Variants in STXBP4 observed in about 807,000 individuals in gnomAD.
STXBP4 encodes syntaxin binding protein 4.
STXBP4 carries 55 observed loss-of-function variants against 76.1 expected under a neutral mutation model. The ratio of observed to expected loss-of-function variants is 0.72; its 90% CI spans 0.58 to 0.91. The LOEUF is 0.91. Among genes scored for constraint, STXBP4 ranks in the 40% least tolerant of loss-of-function variants. The probability of loss-of-function intolerance (pLI) is 0.00; values close to 1 mark genes in which losing one functional copy is unlikely to be tolerated. For missense variants in STXBP4, 618 were observed against 636.9 expected (o/e 0.97, Z 0.32); for synonymous variants, 201 against 220.2 (o/e 0.91, Z 0.77).
chr17:55,143,156 T>G (rs989675282), intron 17 of STXBP4, among the ~76,000 whole-genome samples: 19 of 152,242 alleles, frequency 1.2e-4, no homozygotes, highest in African/African-American at 4.6e-4. Context: ...ATTATATCAT[T>G]TAATGCTCTT....
At chr17:54,989,220 G>A (rs1374480885) in intron 3 of STXBP4, among the ~76,000 whole-genome samples, 1 of 152,144 alleles carries the variant, frequency 6.6e-6, no homozygotes, top group Non-Finnish European at 1.5e-5. Context: ...CCATTCTCCT[G>A]CCTCAGCCTC....
intron 7 of STXBP4, 111 bp from the exon 8 acceptor site, chr17:55,007,395 C>A: frequency 9.2e-6 from 7 of 757,434 alleles, no homozygotes; most frequent in East Asian, 2.7e-5. Context: ...AAGCTGCTAA[C>A]TGATTAGCTA....
intron 15 of STXBP4, among the ~76,000 whole-genome samples, chr17:55,080,232 T>C (rs2144908307): frequency 6.6e-6 from 1 of 152,320 alleles, no homozygotes; most frequent in South Asian, 2.1e-4. Context: ...CAACATTTCA[T>C]GGTGTCTTAG....
intron 16 of STXBP4, among the ~76,000 whole-genome samples, chr17:55,135,937 A>G (rs936093562): frequency 5.9e-5 from 9 of 152,174 alleles, no homozygotes; most frequent in African/African-American, 2.2e-4. Context: ...AAGCAACACC[A>G]CAGTGCTTAA....
chr17:55,090,288 T>A (rs533068114), intron 16 of STXBP4, among the ~76,000 whole-genome samples: 1 of 152,128 alleles, frequency 6.6e-6, no homozygotes, highest in South Asian at 2.1e-4. Flanking sequence ...AGACACACTT[T>A]AGATCTGACA....
intron 12 of STXBP4, among the ~76,000 whole-genome samples, chr17:55,063,997 C>G (rs557042938): frequency 1.3e-5 from 2 of 152,254 alleles, no homozygotes; most frequent in Middle Eastern, 3.4e-3. Context: ...TACTATAAAA[C>G]TCTTATCTTG....
At chr17:55,189,169 C>CA in the STXBP4 span, among the ~76,000 whole-genome samples, 3 of 151,604 alleles carry the variant, frequency 2.0e-5, no homozygotes, top group East Asian at 1.9e-4. Flanking sequence ...ATATATTTGG[C>CA]AAAAAAAATG....
At chr17:55,078,280 A>C (rs1387223110) in intron 14 of STXBP4, 86 bp downstream of exon 14, 6 of 856,022 alleles carry the variant, frequency 7.0e-6, no homozygotes, top group Non-Finnish European at 5.5e-6. Context: ...TTTGGTACCT[A>C]GTGAAACATT....
intron 16 of STXBP4, among the ~76,000 whole-genome samples, chr17:55,126,059 T>C (rs1157958847): frequency 6.6e-6 from 1 of 152,036 alleles, no homozygotes; most frequent in Non-Finnish European, 1.5e-5. Context: ...GCCTAAGAAA[T>C]AGAACTTACT....
At chr17:55,037,974 T>A (rs1004082003) in intron 10 of STXBP4, among the ~76,000 whole-genome samples, 2 of 152,116 alleles carry the variant, frequency 1.3e-5, no homozygotes, top group Non-Finnish European at 2.9e-5. Flanking sequence ...TAGTCCCCCA[T>A]CTGAAGTATG....
intron 1 of STXBP4, among the ~76,000 whole-genome samples, chr17:54,973,947 TAA>T (rs1183866082): frequency 6.6e-6 from 1 of 152,246 alleles, no homozygotes; most frequent in Non-Finnish European, 1.5e-5. Flanking sequence ...GTAAGTTATA[TAA>T]GTTATTTTTC....
In STXBP4 at chr17:55,164,219, G is replaced by T. The variant is rs2080362057; in HGVS notation, c.*4308G>T. The T allele has an allele frequency of 1.3e-5, 2 of 152,146 alleles. No homozygotes were observed. The highest frequency in any genetic ancestry group is 2.1e-4 in the South Asian group (1 of 4,828). 9.4% of individuals were successfully genotyped at this position (152,146 alleles called of 1,614,324 possible). On this transcript the variant is annotated 3_prime_UTR_variant, in exon 18 of 18. Coordinates refer to ENST00000376352, the MANE Select transcript of STXBP4 (RefSeq NM_178509.6). ...ACATGTAATAGTGTGTCTGCATAAT[G>T]ACTTTGTAAATATTAACTGCAATTC...
At chr17:55,037,300 G>A (rs2078619642) in intron 10 of STXBP4, among the ~76,000 whole-genome samples, 1 of 152,134 alleles carries the variant, frequency 6.6e-6, no homozygotes, top group African/African-American at 2.4e-5. Context: ...TGATGAGGAA[G>A]GCAAAGATGG....
downstream of STXBP4, among the ~76,000 whole-genome samples, chr17:55,173,895 G>A (rs1392804441): frequency 2.0e-5 from 3 of 152,186 alleles, no homozygotes; most frequent in Admixed American, 2.0e-4. Context: ...AGTTCCTTGA[G>A]GTCATAGAAC....
chr17:54,994,217 A>G (rs1254220256), intron 4 of STXBP4, among the ~76,000 whole-genome samples: 1 of 152,154 alleles, frequency 6.6e-6, no homozygotes, highest in Non-Finnish European at 1.5e-5. Context: ...AGCTAGTCCC[A>G]TATCTATCTG....
intron 10 of STXBP4, among the ~76,000 whole-genome samples, chr17:55,040,694 A>G (rs1238576661): frequency 6.6e-6 from 1 of 152,202 alleles, no homozygotes; most frequent in Non-Finnish European, 1.5e-5. Flanking sequence ...TCTAGAAAGC[A>G]GAGTAGAAAT....
intron 13 of STXBP4, among the ~76,000 whole-genome samples, chr17:55,075,619 T>C (rs1035273142): frequency 6.6e-6 from 1 of 152,174 alleles, no homozygotes; most frequent in Non-Finnish European, 1.5e-5. Context: ...TTTGAACTAA[T>C]TTGTACTCCC....
rs1419157626 is a variant in STXBP4, at chr17:55,164,490, C to T, written c.*4579C>T. The T allele has an allele frequency of 2.9e-5, 4 of 139,896 alleles. No individual in the cohort carries two copies. Among genetic ancestry groups the T allele is most frequent in the Admixed American group, 7.4e-5 (1 of 13,602 alleles). 8.7% of individuals were successfully genotyped at this position (139,896 alleles called of 1,614,324 possible). On this transcript the variant is annotated 3_prime_UTR_variant, in exon 18 of 18. Coordinates refer to ENST00000376352, the MANE Select transcript of STXBP4 (RefSeq NM_178509.6). ...ACGGAGTCTCGCTCTGTCGCCCAGG[C>T]GGGACTGCGGACTGCAGCGGCGCAA...
At chr17:55,110,549 T>C (rs989239077) in intron 16 of STXBP4, among the ~76,000 whole-genome samples, 1 of 152,184 alleles carries the variant, frequency 6.6e-6, no homozygotes, top group Non-Finnish European at 1.5e-5. Context: ...GGGGGATATA[T>C]GAACAATAAG....
Sources: allele counts gnomAD v4.1 joint callset (sites outside exome capture counted in the v4.1 genomes callset), GRCh38; gene constraint gnomAD v4.1.1; transcripts MANE v1.5; gene names NCBI Gene and HGNC (gene_info 2026-07-23, HGNC 2026-07-21).